Variants in USP22 observed in about 807,000 individuals in gnomAD.
USP22 encodes ubiquitin specific peptidase 22, also known as ubiquitin carboxyl-terminal hydrolase 22.
In USP22, 22 loss-of-function variants were observed where a neutral mutation model predicts 68.1. The observed-to-expected ratio is 0.32, with a 90% CI of 0.23 to 0.46. The LOEUF is 0.46. Among genes scored for constraint, USP22 ranks in the 20% least tolerant of loss-of-function variants. The pLI is 1.00. For missense variants in USP22, 433 were observed against 695.8 expected (o/e 0.62, Z 4.25); for synonymous variants, 279 against 274.2 (o/e 1.02, Z -0.17).
chr17:21,021,458 C>T (rs908184149), intron 2 of USP22, among the ~76,000 whole-genome samples: 34 of 152,120 alleles, frequency 2.2e-4, no homozygotes, highest in African/African-American at 8.0e-4. Context: ...AAAACAGAGG[C>T]GACCCATACA....
Position 21,038,543 on chromosome 17 carries a change from C to T in USP22, c.171+4122G>A, listed in dbSNP as rs139666274. Among the ~76,000 whole-genome samples the T allele has an allele frequency of 9.5e-3, 1,451 of 152,170 alleles. 20 individuals carry two copies. The highest frequency in any genetic ancestry group is 0.033 in the African/African-American group (1,363 of 41,502). The stretch of plus-strand genomic sequence containing the variant: ...ATTAGCCAGGTGCGGTGGCGCATGC[C>T]TGTAGTCCCAGCTACTTGGGAGGCT... On this transcript the variant is annotated intron_variant, in intron 1 of 12. Coordinates refer to ENST00000261497, the MANE Select transcript of USP22 (RefSeq NM_015276.2).
chr17:21,039,834 GT>G (rs1238484321), intron 1 of USP22, among the ~76,000 whole-genome samples: 4 of 152,176 alleles, frequency 2.6e-5, no homozygotes, highest in Non-Finnish European at 5.9e-5. Flanking sequence ...TTTGAGATAG[GT>G]TTTGTTGTCC....
At chr17:21,032,149 G>C (rs1597700376) in intron 1 of USP22, among the ~76,000 whole-genome samples, 1 of 128,694 alleles carries the variant, frequency 7.8e-6, no homozygotes, top group South Asian at 2.1e-4. Flanking sequence ...ACAGTGTTCA[G>C]TACGGTACGT....
intron 10 of USP22, among the ~76,000 whole-genome samples, chr17:21,005,460 G>T (rs113876805): frequency 0.014 from 2,089 of 152,316 alleles, 61 homozygotes; most frequent in African/African-American, 0.047. Context: ...ATGGGGGAGA[G>T]GAGTGCTGGG....
chr17:21,015,640 T>C (rs149746723), intron 6 of USP22, 112 bp downstream of exon 6: 52 of 1,372,192 alleles, frequency 3.8e-5, no homozygotes, highest in African/African-American at 1.0e-4. Context: ...GACAAAACAA[T>C]GGAATGTGTC....
chr17:21,017,344 C>A (rs1464709561), intron 5 of USP22, among the ~76,000 whole-genome samples: 1 of 152,234 alleles, frequency 6.6e-6, no homozygotes, highest in African/African-American at 2.4e-5. Context: ...GGTAACTGAG[C>A]TGCTTCAGCT....
chr17:21,034,345 G>T (rs1011355128), intron 1 of USP22, among the ~76,000 whole-genome samples: 1 of 152,128 alleles, frequency 6.6e-6, no homozygotes, highest in East Asian at 1.9e-4. Context: ...AGACTTACTT[G>T]CCAGGCCTAC....
At chr17:21,005,331 A>G (rs529272250) in intron 10 of USP22, among the ~76,000 whole-genome samples, 1 of 152,302 alleles carries the variant, frequency 6.6e-6, no homozygotes, top group African/African-American at 2.4e-5. Context: ...TTCCTCCCAC[A>G]TGTAAAGGGT....
Position 21,012,930 on chromosome 17 carries a change from C to G in USP22, c.844G>C (p.Asp282His). The G allele has an allele frequency of 6.2e-7, 1 of 1,613,980 alleles. No homozygotes were observed. Among genetic ancestry groups the G allele is most frequent in the Non-Finnish European group, 8.5e-7 (1 of 1,179,968 alleles). The change falls in exon 7 of 13, where the codon GAC becomes CAC. Residue 282 changes from aspartate (D) to histidine (H), a missense_variant. This residue lies in a region of USP22 where 178 missense variants were observed against 351.5 expected (regional missense o/e 0.51). Coordinates refer to ENST00000261497, the MANE Select transcript of USP22 (RefSeq NM_015276.2). ...DVLHRHCKGD[D>H]NGKKANNPNH... ...GGGTTGTTGGCCTTCTTCCCATTGT[C>G]ATCACCTGGAGACAGACCACGGCTC... is the stretch of plus-strand genomic sequence containing the variant.
chr17:21,005,858 T>G (rs1267607076), intron 10 of USP22, among the ~76,000 whole-genome samples: 1 of 152,162 alleles, frequency 6.6e-6, no homozygotes, highest in African/African-American at 2.4e-5. Context: ...AGACTCAAAG[T>G]AAAGATGTTG....
At chr17:21,008,062 G>A (rs1913833843) in intron 8 of USP22, 66 bp from the exon 9 acceptor site, 1 of 1,562,272 alleles carries the variant, frequency 6.4e-7, no homozygotes, top group Admixed American at 1.8e-5. Context: ...TGAGAGGAAA[G>A]AGGTATTTTA....
chr17:21,003,342 C>T (rs188370319), intron 12 of USP22, among the ~76,000 whole-genome samples: 172 of 152,382 alleles, frequency 1.1e-3, no homozygotes, highest in Non-Finnish European at 2.1e-3. Context: ...GCCTCTCCCC[C>T]ACTTGTGACA....
chr17:21,034,058 T>C (rs898387171), intron 1 of USP22, among the ~76,000 whole-genome samples: 1 of 151,644 alleles, frequency 6.6e-6, no homozygotes, highest in Non-Finnish European at 1.5e-5. Flanking sequence ...CTAAATATTC[T>C]ATCCTTTATA....
intron 8 of USP22, among the ~76,000 whole-genome samples, chr17:21,010,115 G>A (rs1266841700): frequency 6.6e-6 from 1 of 152,160 alleles, no homozygotes; most frequent in African/African-American, 2.4e-5. Context: ...AGTGAGCTAT[G>A]ATGGCACCAC....
chr17:21,015,516 A>T, intron 6 of USP22: 1 of 515,328 alleles, frequency 1.9e-6, no homozygotes, highest in Non-Finnish European at 3.3e-6. Flanking sequence ...GTCACTGAGG[A>T]CCTGTCATAC....
rs1464987574 is a variant in USP22 at position 21,000,664 on chromosome 17, G to A, written c.*2367C>T. On this transcript the variant is annotated 3_prime_UTR_variant, in exon 13 of 13. Transcript: ENST00000261497. ...CTCCGCAAGACACCCCAGTAAACTG[G>A]GGCGTCCCAAGGTGGCAAGCCTTCA... The A allele has an allele frequency of 1.0e-5, 1 of 96,788 alleles. No individual in the cohort carries two copies. The highest frequency in any genetic ancestry group is 2.6e-5 in the Non-Finnish European group (1 of 38,664). The allele number at this position is 96,788 out of a possible 1,614,324, so 6.0% of individuals were successfully genotyped here.
rs1913709148 is a variant in USP22 at position 21,004,446 on chromosome 17, C to CG, written c.1386-96dup. On this transcript the variant is annotated intron_variant, in intron 11 of 12. Coordinates refer to ENST00000261497, the MANE Select transcript of USP22 (RefSeq NM_015276.2). ...GAAACCAGGCAGCCCAGGCAGGGAG[C>CG]GGGAGGCCTGTGGGCCTGTCAACCC... is the stretch of plus-strand genomic sequence containing the variant. 5 of 1,503,694 alleles carry CG rather than the reference C, an allele frequency of 3.3e-6. No individual in the cohort carries two copies. In the Admixed American group the frequency reaches 7.3e-5, roughly 22 times the overall value. 93.1% of individuals were successfully genotyped at this position (1,503,694 alleles called of 1,614,324 possible).
rs1226226189 is a variant in USP22 at position 21,042,805 on chromosome 17, C to A, written c.31G>T (p.Ala11Ser). The change falls in exon 1 of 13, where the codon GCC becomes TCC. Residue 11 changes from alanine (A) to serine (S), a missense_variant. Physicochemically the swap from Ala to Ser is moderately conservative, Grantham distance 99. This residue lies in a region of USP22 where 110 missense variants were observed against 89.9 expected (regional missense o/e 1.22). Coordinates refer to ENST00000261497, the MANE Select transcript of USP22 (RefSeq NM_015276.2). ...GCTACCGCCAGCTCGGCGTCCATGG[C>A]CTCGCCCTCGGGCTCTGGCCGGGAC... MVSRPEPEGE[A>S]MDAELAVAPP... The A allele has an allele frequency of 6.8e-7, 1 of 1,465,528 alleles. No individual in the cohort carries two copies. Among genetic ancestry groups the A allele is most frequent in the Non-Finnish European group, 9.0e-7 (1 of 1,108,102 alleles). 90.8% of individuals were successfully genotyped at this position (1,465,528 alleles called of 1,614,324 possible).
At chr17:21,009,546 C>A (rs1160193157) in intron 8 of USP22, among the ~76,000 whole-genome samples, 3 of 152,210 alleles carry the variant, frequency 2.0e-5, no homozygotes, top group Non-Finnish European at 4.4e-5. Flanking sequence ...AGGCTTCCCA[C>A]ACATTGTAGT....
Sources: allele counts gnomAD v4.1 joint callset (sites outside exome capture counted in the v4.1 genomes callset), GRCh38; gene constraint gnomAD v4.1.1; regional missense constraint gnomAD v4.1.1; transcripts MANE v1.5; gene names NCBI Gene and HGNC (gene_info 2026-07-23, HGNC 2026-07-21).